Variants in ANKRD44 observed in about 807,000 individuals in gnomAD.
ANKRD44 encodes the protein serine/threonine-protein phosphatase 6 regulatory ankyrin repeat subunit B.
Under a neutral mutation model 116.0 loss-of-function variants are expected in ANKRD44, and 35 were observed. The observed-to-expected ratio is 0.30, with a 90% CI of 0.23 to 0.40. ANKRD44 has a LOEUF of 0.40. Ranked by LOEUF, ANKRD44 falls within the 10% of genes least tolerant of loss-of-function variation. The pLI is 1.00. For synonymous variants in ANKRD44, 435 were observed against 461.8 expected (o/e 0.94, Z 0.74); for missense variants, 1,014 against 1,242.6 (o/e 0.82, Z 2.77).
At chr2:197,257,080 G>A (rs1463031895) in intron 1 of ANKRD44, among the ~76,000 whole-genome samples, 1 of 152,174 alleles carries the variant, frequency 6.6e-6, no homozygotes, top group Non-Finnish European at 1.5e-5. Context: ...CAATCCCCAA[G>A]AAGAAAGCAC....
intron 1 of ANKRD44, among the ~76,000 whole-genome samples, chr2:197,237,023 G>A (rs926843272): frequency 1.3e-5 from 2 of 152,230 alleles, no homozygotes; most frequent in African/African-American, 4.8e-5. Context: ...TGGCAGCGGG[G>A]AGAGATGGCA....
chr2:197,307,596 TTTC>T (rs1184098280), intron 1 of ANKRD44, among the ~76,000 whole-genome samples: 1 of 151,994 alleles, frequency 6.6e-6, no homozygotes, highest in Non-Finnish European at 1.5e-5. Context: ...TCTCTCCCTT[TTTC>T]TTTTTACTCT....
chr2:196,975,736 C>T (rs574603638), intron 21 of ANKRD44, among the ~76,000 whole-genome samples: 131 of 144,476 alleles, frequency 9.1e-4, no homozygotes, highest in Non-Finnish European at 9.0e-4. Flanking sequence ...TGCAGGGAGC[C>T]GAGATTGTGC....
chr2:197,142,063 C>T (rs1304749165), intron 3 of ANKRD44, among the ~76,000 whole-genome samples: 1 of 152,168 alleles, frequency 6.6e-6, no homozygotes, highest in African/African-American at 2.4e-5. Flanking sequence ...TGAAAATAAG[C>T]ACTAGGGTAT....
chr2:197,020,821 T>C (rs2076483156), intron 17 of ANKRD44, among the ~76,000 whole-genome samples: 1 of 140,706 alleles, frequency 7.1e-6, no homozygotes, highest in Admixed American at 6.8e-5. Context: ...TATTATACTT[T>C]AAGTTCTAGG....
intron 2 of ANKRD44, among the ~76,000 whole-genome samples, chr2:197,156,431 A>T (rs551445299): frequency 2.2e-4 from 34 of 152,360 alleles, no homozygotes; most frequent in African/African-American, 7.9e-4. Context: ...AAATTGCTAA[A>T]ATTAAAAGGA....
chr2:196,986,443 T>C (rs1276937341), downstream of ANKRD44, among the ~76,000 whole-genome samples: 2 of 149,550 alleles, frequency 1.3e-5, no homozygotes, highest in Non-Finnish European at 2.9e-5. Context: ...AAACCCTTTA[T>C]GGAAAAAAGT....
intron 1 of ANKRD44, 45 bp from the exon 2 acceptor site, chr2:197,187,151 C>T (rs1416082902): frequency 1.3e-6 from 2 of 1,554,692 alleles, no homozygotes; most frequent in Non-Finnish European, 1.8e-6. Flanking sequence ...ATTAATACAT[C>T]TGATCACATA....
intron 2 of ANKRD44, among the ~76,000 whole-genome samples, chr2:197,173,199 T>G (rs2080283658): frequency 6.6e-6 from 1 of 152,216 alleles, no homozygotes; most frequent in African/African-American, 2.4e-5. Flanking sequence ...ATCAATCATG[T>G]GATCTTTCTA....
intron 2 of ANKRD44, among the ~76,000 whole-genome samples, chr2:197,151,100 G>C (rs1264749124): frequency 7.2e-6 from 1 of 138,758 alleles, no homozygotes; most frequent in African/African-American, 2.7e-5. Flanking sequence ...TTTTAATCCA[G>C]GAACTTTCAA....
chr2:197,000,869 C>G (rs1049581234), intron 22 of ANKRD44, among the ~76,000 whole-genome samples: 8 of 152,106 alleles, frequency 5.3e-5, no homozygotes, highest in African/African-American at 1.9e-4. Flanking sequence ...GAAACCCAGT[C>G]CCTACTAAAA....
At chr2:197,208,659 G>A (rs1311118201) in intron 1 of ANKRD44, among the ~76,000 whole-genome samples, 1 of 152,064 alleles carries the variant, frequency 6.6e-6, no homozygotes, top group Non-Finnish European at 1.5e-5. Flanking sequence ...AATTAGCCGA[G>A]CGTGGTGGTG....
rs1040964513 is a variant in ANKRD44 at position 197,203,119 on chromosome 2, GA to G, written c.28-16014del. Among the ~76,000 whole-genome samples the G allele has an allele frequency of 1.8e-4, 28 of 152,148 alleles. No homozygotes were observed. Among genetic ancestry groups the G allele is most frequent in the African/African-American group, 5.5e-4 (23 of 41,522 alleles). On this transcript the variant is annotated intron_variant, in intron 1 of 27. Transcript: ENST00000282272. The surrounding 1 kb of genome is among the most constrained non-coding windows in gnomAD (Gnocchi z 4.1). Reference sequence around the variant, plus strand: ...AATACCTTCGAAATCCTACTCCTTTGACCCCACAGTCCCTCTTCAGGGAGGC... The same window carrying G: ...AATACCTTCGAAATCCTACTCCTTTGCCCCACAGTCCCTCTTCAGGGAGGC...
chr2:197,094,052 G>C (rs2078106187), intron 10 of ANKRD44, among the ~76,000 whole-genome samples: 1 of 152,184 alleles, frequency 6.6e-6, no homozygotes, highest in African/African-American at 2.4e-5. Context: ...CTGCAGGCCT[G>C]TCTTGCAGAG....
At chr2:197,121,712 C>T (rs747606097) in intron 7 of ANKRD44, among the ~76,000 whole-genome samples, 168 bp from the exon 8 acceptor site, 4 of 152,184 alleles carry the variant, frequency 2.6e-5, no homozygotes, top group Non-Finnish European at 4.4e-5. Context: ...ATGCTTGTCA[C>T]CCCATGGTAA....
intron 18 of ANKRD44, among the ~76,000 whole-genome samples, chr2:197,009,854 T>G (rs909714977): frequency 1.2e-4 from 19 of 152,168 alleles, no homozygotes; most frequent in African/African-American, 4.3e-4. Context: ...GAGGGTTTTT[T>G]CTTACACTTG....
In ANKRD44 at chr2:196,988,117, G is replaced by T. The variant is rs561742866; in HGVS notation, c.*1474C>A. 57 of 985,408 alleles carry T rather than the reference G, an allele frequency of 5.8e-5. No homozygotes were observed. The African/African-American group carries it at 9.4e-4, about 16-fold the overall frequency. The allele number at this position is 985,408 out of a possible 1,614,324, so 61.0% of individuals were successfully genotyped here. The stretch of plus-strand genomic sequence containing the variant: ...AGCTCCATGGAGATAACGTCTCATG[G>T]TGAGTCACTGCTTTGCTGAAATGAT... On this transcript the variant is annotated 3_prime_UTR_variant, in exon 28 of 28. Coordinates refer to ENST00000282272, the MANE Select transcript of ANKRD44 (RefSeq NM_001195144.2).
intron 1 of ANKRD44, among the ~76,000 whole-genome samples, chr2:197,235,980 A>G (rs2081969442): frequency 6.6e-6 from 1 of 152,160 alleles, no homozygotes; most frequent in Non-Finnish European, 1.5e-5. Flanking sequence ...AAAACAGTAA[A>G]TTCTGACTTT....
At chr2:197,126,632 TC>T (rs943519577) in intron 4 of ANKRD44, among the ~76,000 whole-genome samples, 1 of 151,976 alleles carries the variant, frequency 6.6e-6, no homozygotes, top group Non-Finnish European at 1.5e-5. Context: ...CCCAGTCAGC[TC>T]CCTAACCTCT....
Sources: gnomAD v4.1 joint callset for allele counts (sites outside exome capture counted in the v4.1 genomes callset) on GRCh38, gnomAD v4.1.1 for gene constraint, Gnocchi (gnomAD v3.1) non-coding constraint, MANE v1.5 for transcripts, NCBI Gene and HGNC (gene_info 2026-07-23, HGNC 2026-07-21) for gene names.